Variants in MYT1L observed in about 807,000 individuals in gnomAD.
MYT1L encodes the protein myelin transcription factor 1 like.
A neutral mutation model predicts 126.7 loss-of-function variants in MYT1L; 12 were observed. The ratio of observed to expected loss-of-function variants is 0.09; its 90% CI spans 0.06 to 0.15. The LOEUF is 0.15. Ranked by LOEUF, MYT1L falls within the 10% of genes least tolerant of loss-of-function variation. The pLI is 1.00. For missense variants in MYT1L, 979 were observed against 1,585.2 expected, an observed-to-expected ratio of 0.62 and a Z score of 6.49; for synonymous variants, 541 against 604.2, an observed-to-expected ratio of 0.90 and a Z score of 1.53.
rs551201051 is a variant in MYT1L at position 2,204,625 on chromosome 2, A to G, written c.-420-31637T>C. On this transcript the variant is annotated intron_variant, in intron 2 of 24. Coordinates refer to ENST00000647738, the MANE Select transcript of MYT1L (RefSeq NM_001303052.2). Reference sequence around the variant, plus strand: ...AGTAAGGAAACAACAGGTGCTGGAGAGGATGTGGAGAAATAGGAACACTTT... The same window carrying G: ...AGTAAGGAAACAACAGGTGCTGGAGGGGATGTGGAGAAATAGGAACACTTT... Among the ~76,000 whole-genome samples the G allele has an allele frequency of 1.5e-3, 230 of 148,732 alleles. 1 individual carries two copies. Among genetic ancestry groups the G allele is most frequent in the African/African-American group, 5.7e-3 (224 of 39,142 alleles).
intron 3 of MYT1L, among the ~76,000 whole-genome samples, chr2:2,132,051 G>A (rs1382938177): frequency 6.6e-6 from 1 of 151,488 alleles, no homozygotes; most frequent in Non-Finnish European, 1.5e-5. Flanking sequence ...TGGGATTACA[G>A]CAGGTGCCAC....
chr2:1,886,447 G>C (rs1231847150), intron 18 of MYT1L, 92 bp downstream of exon 18: 2 of 943,402 alleles, frequency 2.1e-6, no homozygotes, highest in Non-Finnish European at 3.0e-6. Flanking sequence ...TTTTTTAACA[G>C]ACATTTTTCT....
chr2:2,196,125 A>G (rs2092787643), intron 2 of MYT1L, among the ~76,000 whole-genome samples: 1 of 142,630 alleles, frequency 7.0e-6, no homozygotes, highest in Admixed American at 6.7e-5. Flanking sequence ...GAAATCAAAT[A>G]TCAGGAAAAA....
chr2:2,248,948 G>T (rs1000302110), intron 2 of MYT1L, among the ~76,000 whole-genome samples: 3 of 152,054 alleles, frequency 2.0e-5, no homozygotes, highest in African/African-American at 7.2e-5. Context: ...TTTTCTCTTA[G>T]ATCTGAACAT....
chr2:2,123,729 G>T (rs1457520950), intron 3 of MYT1L, among the ~76,000 whole-genome samples: 1 of 152,162 alleles, frequency 6.6e-6, no homozygotes, highest in Non-Finnish European at 1.5e-5. Context: ...TTAGTCTCGG[G>T]TATTTCATTA....
intron 3 of MYT1L, among the ~76,000 whole-genome samples, chr2:2,069,520 C>T (rs2074326272): frequency 6.6e-6 from 1 of 152,010 alleles, no homozygotes; most frequent in South Asian, 2.1e-4. Context: ...TGAACAGTGC[C>T]ACAATAAATG....
intron 21 of MYT1L, among the ~76,000 whole-genome samples, chr2:1,826,784 G>T (rs2039413649): frequency 6.8e-6 from 1 of 146,766 alleles, no homozygotes; most frequent in Admixed American, 7.0e-5. Context: ...GTCCCTGAAG[G>T]CTTCCTTGTA....
chr2:2,102,604 A>ATGTGTGTGTGTGTGTG (rs3047992), intron 3 of MYT1L, among the ~76,000 whole-genome samples: 21 of 143,012 alleles, frequency 1.5e-4, no homozygotes, highest in Admixed American at 6.3e-4. Flanking sequence ...CCTCTTGGGA[A>ATGTGTGTGTGTGTGTG]TGTGTGTGTG....
chr2:2,139,138 C>CTA (rs966653594), intron 3 of MYT1L, among the ~76,000 whole-genome samples: 12 of 151,814 alleles, frequency 7.9e-5, no homozygotes, highest in African/African-American at 2.9e-4. Context: ...AGAGGACTTC[C>CTA]TGCAACAGAG....
intron 3 of MYT1L, among the ~76,000 whole-genome samples, chr2:2,124,924 G>A (rs552239042): frequency 2.6e-5 from 4 of 152,146 alleles, no homozygotes; most frequent in East Asian, 1.9e-4. Context: ...ACATCATCCC[G>A]TATTTTTTTC....
intron 3 of MYT1L, among the ~76,000 whole-genome samples, chr2:2,123,143 A>G (rs1452334497): frequency 6.6e-6 from 1 of 152,168 alleles, no homozygotes; most frequent in Non-Finnish European, 1.5e-5. Flanking sequence ...CTGCCGGATG[A>G]AACTCTGAAG....
At chr2:2,262,554 ATGGTGGCGGGCACCTG>A (rs1559490494) in intron 2 of MYT1L, among the ~76,000 whole-genome samples, 1 of 151,714 alleles carries the variant, frequency 6.6e-6, no homozygotes, top group Non-Finnish European at 1.5e-5. Flanking sequence ...TTAGCCGGGC[ATGGTGGCGGGCACCTG>A]TGGTCCCAGC....
chr2:1,835,315 T>A (rs6744209), intron 21 of MYT1L, among the ~76,000 whole-genome samples: 13,210 of 152,188 alleles, frequency 0.087, 1,000 homozygotes, highest in African/African-American at 0.2. Flanking sequence ...CTGGGCAGAG[T>A]CAACTTACAC....
chr2:2,117,399 G>C (rs997426254), intron 3 of MYT1L, among the ~76,000 whole-genome samples: 1 of 152,122 alleles, frequency 6.6e-6, no homozygotes, highest in Non-Finnish European at 1.5e-5. Flanking sequence ...CCACCCTCAG[G>C]GATCCTGAGG....
chr2:2,260,013 G>A (rs2094921595), intron 2 of MYT1L, among the ~76,000 whole-genome samples: 1 of 152,210 alleles, frequency 6.6e-6, no homozygotes, highest in African/African-American at 2.4e-5. Context: ...ACAATGAGCA[G>A]GCGCTCATTT....
intron 4 of MYT1L, among the ~76,000 whole-genome samples, chr2:2,016,195 T>C (rs901038781): frequency 1.3e-5 from 2 of 152,162 alleles, no homozygotes; most frequent in African/African-American, 2.4e-5. Flanking sequence ...AAGCCACTGC[T>C]CTCTGGAGCT....
intron 3 of MYT1L, among the ~76,000 whole-genome samples, chr2:2,156,235 G>C (rs1296279175): frequency 2.0e-5 from 3 of 152,176 alleles, no homozygotes; most frequent in African/African-American, 7.2e-5. Context: ...ATAGACTCAG[G>C]GACATTTACT....
rs1572376876 is a variant in MYT1L at position 2,197,926 on chromosome 2, T to C, written c.-420-24938A>G. Among the ~76,000 whole-genome samples, 3 of 151,396 alleles carry C rather than the reference T, an allele frequency of 2.0e-5. No homozygotes were observed. The South Asian group carries it at 6.3e-4, about 32-fold the overall frequency. On this transcript the variant is annotated intron_variant, in intron 2 of 24. Coordinates refer to ENST00000647738, the MANE Select transcript of MYT1L (RefSeq NM_001303052.2). ...TACAGATGTATATAACATACACACA[T>C]ATATACACATGCACACACACATGCA...
At chr2:1,990,773 C>T (rs1389931824) in intron 5 of MYT1L, among the ~76,000 whole-genome samples, 1 of 152,206 alleles carries the variant, frequency 6.6e-6, no homozygotes, top group Non-Finnish European at 1.5e-5. Context: ...TTCTAAGGTG[C>T]TCTGGAACAG....
Sources: allele counts gnomAD v4.1 joint callset (sites outside exome capture counted in the v4.1 genomes callset), GRCh38; gene constraint gnomAD v4.1.1; transcripts MANE v1.5; gene names NCBI Gene and HGNC (gene_info 2026-07-23, HGNC 2026-07-21).